Variants in UBE2E2 observed in about 807,000 individuals in gnomAD.
The protein encoded by UBE2E2 is ubiquitin-conjugating enzyme E2 E2.
UBE2E2 carries 6 observed loss-of-function variants against 24.7 expected under a neutral mutation model. The observed-to-expected ratio is 0.24, with a 90% CI of 0.13 to 0.48. The LOEUF (loss-of-function observed/expected upper bound fraction) is 0.48. UBE2E2 is among the 20% of genes least tolerant of loss of function. The pLI is 0.99. For synonymous variants in UBE2E2, 104 were observed against 83.6 expected (o/e 1.24, Z -1.33); for missense variants, 169 against 245.0 (o/e 0.69, Z 2.07).
chr3:23,512,117 A>C (rs1034072761), intron 4 of UBE2E2, among the ~76,000 whole-genome samples: 1 of 151,096 alleles, frequency 6.6e-6, no homozygotes, highest in African/African-American at 2.4e-5. Flanking sequence ...ACCTGAACCA[A>C]CTGAGCTATG....
chr3:23,355,004 A>G (rs931622887), intron 3 of UBE2E2, among the ~76,000 whole-genome samples: 12 of 152,186 alleles, frequency 7.9e-5, no homozygotes, highest in Admixed American at 1.3e-4. Flanking sequence ...GATAGACTGG[A>G]TTAAGAAAAT....
At chr3:23,411,889 A>G (rs918453015) in intron 3 of UBE2E2, among the ~76,000 whole-genome samples, 2 of 152,206 alleles carry the variant, frequency 1.3e-5, no homozygotes, top group Non-Finnish European at 2.9e-5. Context: ...TTTGACACAT[A>G]TTTATTAACC....
At chr3:23,430,654 G>T (rs1698039488) in intron 3 of UBE2E2, among the ~76,000 whole-genome samples, 1 of 151,940 alleles carries the variant, frequency 6.6e-6, no homozygotes, top group African/African-American at 2.4e-5. Context: ...GAGTAGCTAG[G>T]ACTACAGGCA....
intron 3 of UBE2E2, among the ~76,000 whole-genome samples, chr3:23,475,058 A>C (rs1699098355): frequency 6.6e-6 from 1 of 152,076 alleles, no homozygotes; most frequent in African/African-American, 2.4e-5. Context: ...ACTGTTGACC[A>C]CATTCTTCTC....
At chr3:23,360,395 A>C (rs79200568) in intron 3 of UBE2E2, among the ~76,000 whole-genome samples, 2,114 of 152,316 alleles carry the variant, frequency 0.014, 53 homozygotes, top group African/African-American at 0.048. Flanking sequence ...AACAGTACTG[A>C]ATGCTGTGGA....
intron 4 of UBE2E2, 151 bp downstream of exon 4, chr3:23,499,891 TA>T: frequency 1.0e-6 from 1 of 993,244 alleles, no homozygotes; most frequent in Non-Finnish European, 1.3e-6. Flanking sequence ...TGAAACAATG[TA>T]AAAAATTGTA....
At chr3:23,386,470 C>T (rs150850745) in intron 3 of UBE2E2, among the ~76,000 whole-genome samples, 144 of 152,090 alleles carry the variant, frequency 9.5e-4, no homozygotes, top group African/African-American at 3.2e-3. Flanking sequence ...AGAAAGTATC[C>T]GTAAAGGAAT....
intron 3 of UBE2E2, among the ~76,000 whole-genome samples, chr3:23,274,902 C>T (rs1053668017): frequency 6.6e-6 from 1 of 152,068 alleles, no homozygotes; most frequent in South Asian, 2.1e-4. Flanking sequence ...CTTATTTATT[C>T]ACTCATATAA....
intron 5 of UBE2E2, among the ~76,000 whole-genome samples, chr3:23,548,408 C>T (rs1264335159): frequency 4.6e-5 from 7 of 152,130 alleles, no homozygotes; most frequent in African/African-American, 1.7e-4. Context: ...ATTTCCAGTA[C>T]ATACACATGC....
chr3:23,390,603 A>T (rs971034590), intron 3 of UBE2E2, among the ~76,000 whole-genome samples: 3 of 152,176 alleles, frequency 2.0e-5, no homozygotes, highest in African/African-American at 7.2e-5. Context: ...CTGACTCTCC[A>T]CTGAGCTGGT....
At chr3:23,297,960 C>T (rs1156509567) in intron 3 of UBE2E2, among the ~76,000 whole-genome samples, 1 of 151,600 alleles carries the variant, frequency 6.6e-6, no homozygotes, top group Non-Finnish European at 1.5e-5. Flanking sequence ...TCTTTTATTT[C>T]CTTGAGCAGT....
intron 3 of UBE2E2, among the ~76,000 whole-genome samples, chr3:23,356,830 G>A (rs1411949968): frequency 6.6e-6 from 1 of 152,212 alleles, no homozygotes; most frequent in Non-Finnish European, 1.5e-5. Flanking sequence ...AACCCCTGGT[G>A]CCAGTTTATG....
intron 3 of UBE2E2, among the ~76,000 whole-genome samples, chr3:23,468,396 T>C (rs1327391983): frequency 2.6e-5 from 4 of 152,250 alleles, no homozygotes; most frequent in Non-Finnish European, 5.9e-5. Context: ...CTACAATTGC[T>C]TGGCATAGTG....
intron 3 of UBE2E2, among the ~76,000 whole-genome samples, chr3:23,416,159 G>A (rs1452386130): frequency 1.3e-5 from 2 of 152,172 alleles, no homozygotes; most frequent in Admixed American, 1.3e-4. Context: ...TGGCATTTGG[G>A]TTAGTTCCAA....
chr3:23,206,927 TTAAGAG>T (rs1696162597), intron 1 of UBE2E2, among the ~76,000 whole-genome samples: 1 of 151,470 alleles, frequency 6.6e-6, no homozygotes, highest in African/African-American at 2.5e-5. Flanking sequence ...TGTAATTTGA[TTAAGAG>T]TAATCAAAAG....
chr3:23,521,969 T>C (rs892385208), intron 4 of UBE2E2, among the ~76,000 whole-genome samples: 1 of 151,378 alleles, frequency 6.6e-6, no homozygotes, highest in Admixed American at 6.6e-5. Context: ...TTTAAATGAT[T>C]ATTTGTGTAC....
chr3:23,229,132 A>G (rs538667229), intron 3 of UBE2E2, among the ~76,000 whole-genome samples: 2 of 152,190 alleles, frequency 1.3e-5, no homozygotes, highest in South Asian at 4.1e-4. Context: ...CATTCAGTTC[A>G]GTATATCTGT....
chr3:23,331,182 A>G (rs560899426), intron 3 of UBE2E2, among the ~76,000 whole-genome samples: 1 of 152,296 alleles, frequency 6.6e-6, no homozygotes, highest in Admixed American at 6.5e-5. Context: ...AGTGGCACAA[A>G]CACTTTTAAA....
intron 3 of UBE2E2, among the ~76,000 whole-genome samples, chr3:23,443,575 G>T (rs895346861): frequency 6.6e-6 from 1 of 152,166 alleles, no homozygotes; most frequent in Non-Finnish European, 1.5e-5. Flanking sequence ...CTCCATGGGG[G>T]TATGCAAGTG....
Sources: gnomAD v4.1 joint callset for allele counts (sites outside exome capture counted in the v4.1 genomes callset) on GRCh38, gnomAD v4.1.1 for gene constraint, MANE v1.5 for transcripts, NCBI Gene and HGNC (gene_info 2026-07-23, HGNC 2026-07-21) for gene names.